FMNL2: variants seen among roughly 807,000 people sequenced by gnomAD.
FMNL2 encodes formin-like protein 2.
A neutral mutation model predicts 130.2 loss-of-function variants in FMNL2; 51 were observed. The observed-to-expected ratio is 0.39, with a 90% confidence interval of 0.31 to 0.49. The LOEUF (loss-of-function observed/expected upper bound fraction) is 0.49, where lower values mean the gene tolerates loss of function less well. FMNL2 is among the 20% of genes least tolerant of loss of function. The pLI, the probability that FMNL2 is intolerant of heterozygous loss-of-function variation, is 0.85. For synonymous variants in FMNL2, 465 were observed against 467.1 expected, an observed-to-expected ratio of 1.00 and a Z score of 0.06; for missense variants, 977 against 1,316.2, an observed-to-expected ratio of 0.74 and a Z score of 3.99.
intron 1 of FMNL2, among the ~76,000 whole-genome samples, chr2:152,384,254 C>T (rs960113809): frequency 6.6e-6 from 1 of 152,136 alleles, no homozygotes; most frequent in Non-Finnish European, 1.5e-5. Context: ...TTGGCTGACT[C>T]CAAAGTCCAT....
intron 1 of FMNL2, among the ~76,000 whole-genome samples, chr2:152,435,930 G>A (rs1204281302): frequency 1.3e-5 from 2 of 152,138 alleles, no homozygotes; most frequent in African/African-American, 4.8e-5. Context: ...CCTTGACCCA[G>A]CCTGGACTGC....
chr2:152,502,449 G>A (rs1691898129), intron 1 of FMNL2, among the ~76,000 whole-genome samples: 1 of 152,228 alleles, frequency 6.6e-6, no homozygotes, highest in African/African-American at 2.4e-5. Context: ...CACTTTGGGA[G>A]GCCAAGGTGG....
intron 1 of FMNL2, among the ~76,000 whole-genome samples, chr2:152,507,211 C>T (rs951473498): frequency 6.6e-6 from 1 of 152,186 alleles, no homozygotes; most frequent in African/African-American, 2.4e-5. Context: ...AACCACAGAT[C>T]TAGACATTTC....
rs529669686 is a variant in FMNL2, at chr2:152,574,292, G to A, written c.597-844G>A. 3.3e-5 allele frequency among the ~76,000 whole-genome samples: 5 copies of A among 152,058 alleles called. No individual in the cohort carries two copies. The South Asian group carries it at 8.3e-4, about 25-fold the overall frequency. On this transcript the variant is annotated intron_variant, in intron 6 of 25. Coordinates refer to ENST00000288670, the MANE Select transcript of FMNL2 (RefSeq NM_052905.4). The stretch of plus-strand genomic sequence containing the variant: ...CTCTACTAAAAATACAAAAATTAGC[G>A]GGGCATGGTGGTACACACCTGTAGT...
intron 1 of FMNL2, among the ~76,000 whole-genome samples, chr2:152,421,279 G>A (rs1019283401): frequency 1.3e-5 from 2 of 152,112 alleles, no homozygotes; most frequent in Admixed American, 6.5e-5. Flanking sequence ...TCCCAAAGCC[G>A]GTAATGTGAG....
chr2:152,465,677 G>A (rs1689493587), intron 1 of FMNL2, among the ~76,000 whole-genome samples: 1 of 152,208 alleles, frequency 6.6e-6, no homozygotes, highest in Non-Finnish European at 1.5e-5. Flanking sequence ...ATAAGTAGGG[G>A]AACAGAAGGC....
chr2:152,419,410 A>G (rs919560928), intron 1 of FMNL2, among the ~76,000 whole-genome samples: 2 of 152,188 alleles, frequency 1.3e-5, no homozygotes. Context: ...TTGCGACAAC[A>G]TGAGTGGAAT....
chr2:152,643,855 T>C lies in FMNL2; in HGVS notation c.3169+2941T>C, dbSNP rs537311215. ...GAATCAGTATTGGTACCAAGTAGAT[T>C]GCTTATAAGATTTTTGAGCTAATGT... On this transcript the variant is annotated intron_variant, in intron 25 of 25. Coordinates refer to ENST00000288670, the MANE Select transcript of FMNL2 (RefSeq NM_052905.4). 4 of 985,474 alleles carry C rather than the reference T, an allele frequency of 4.1e-6. No homozygotes were observed. The African/African-American group carries it at 7.0e-5, about 17-fold the overall frequency. 61.0% of individuals were successfully genotyped at this position (985,474 alleles called of 1,614,324 possible). A position where few individuals can be genotyped will look rare whatever the true frequency, so the allele number is the denominator to read the frequency against.
chr2:152,370,174 C>A (rs189678988), intron 1 of FMNL2, among the ~76,000 whole-genome samples: 16 of 152,226 alleles, frequency 1.1e-4, no homozygotes, highest in Admixed American at 1.0e-3. Flanking sequence ...ACTTTGATTT[C>A]TCACGGTTCT....
intron 25 of FMNL2, among the ~76,000 whole-genome samples, chr2:152,641,178 G>A (rs1683054691): frequency 6.6e-6 from 1 of 152,084 alleles, no homozygotes; most frequent in South Asian, 2.1e-4. Context: ...ATGTCATCAT[G>A]CTCCATTTTT....
At chr2:152,410,773 A>C (rs1044315816) in intron 1 of FMNL2, among the ~76,000 whole-genome samples, 1 of 152,180 alleles carries the variant, frequency 6.6e-6, no homozygotes, top group Non-Finnish European at 1.5e-5. Flanking sequence ...TAAAAAAGTG[A>C]ATCCTATCCC....
At position 152,647,354 on chromosome 2, in the gene FMNL2, T is replaced by TAAAGA. The variant is rs762832642; in HGVS notation, c.3170-442_3170-441insAAAGA. 3.8e-3 allele frequency among the ~76,000 whole-genome samples: 572 copies of TAAAGA among 152,360 alleles called. 6 individuals carry two copies. The highest frequency in any genetic ancestry group is 5.5e-3 in the Non-Finnish European group (376 of 68,022). The stretch of plus-strand genomic sequence containing the variant: ...ATCTGCAAACTGAAGGTCTTTAGGT[T>TAAAGA]CTTGTTAAAACTGCGAGGAAAAGAT... On this transcript the variant is annotated intron_variant, in intron 25 of 25. Coordinates refer to ENST00000288670, the MANE Select transcript of FMNL2 (RefSeq NM_052905.4).
At chr2:152,389,713 A>G (rs1285681971) in intron 1 of FMNL2, among the ~76,000 whole-genome samples, 1 of 152,196 alleles carries the variant, frequency 6.6e-6, no homozygotes. Flanking sequence ...GTTCGATGGC[A>G]TGTTGCTGGC....
At chr2:152,565,241 A>G (rs1174209959) in intron 6 of FMNL2, among the ~76,000 whole-genome samples, 2 of 152,226 alleles carry the variant, frequency 1.3e-5, no homozygotes, top group African/African-American at 4.8e-5. Flanking sequence ...GTTTTTAAAG[A>G]AAGAGGTGGA....
At chr2:152,411,557 T>C (rs552075483) in intron 1 of FMNL2, among the ~76,000 whole-genome samples, 2 of 152,316 alleles carry the variant, frequency 1.3e-5, no homozygotes, top group Admixed American at 1.3e-4. Context: ...TTAACCCACT[T>C]TGGGCTAACT....
chr2:152,533,546 C>CTTT (rs35382323), intron 2 of FMNL2, among the ~76,000 whole-genome samples: 2 of 115,324 alleles, frequency 1.7e-5, no homozygotes, highest in Non-Finnish European at 3.6e-5. Flanking sequence ...AATTCTCCAA[C>CTTT]TTTTTTTTTT....
intron 1 of FMNL2, among the ~76,000 whole-genome samples, chr2:152,514,716 A>G (rs1692665092): frequency 6.6e-6 from 1 of 152,168 alleles, no homozygotes; most frequent in Non-Finnish European, 1.5e-5. Context: ...AAATAGAACT[A>G]TTGTAACAAT....
chr2:152,559,496 G>A (rs1311744475), intron 5 of FMNL2, among the ~76,000 whole-genome samples: 1 of 152,140 alleles, frequency 6.6e-6, no homozygotes, highest in Non-Finnish European at 1.5e-5. Context: ...TAGAGACGGG[G>A]TTTCACCATG....
At chr2:152,645,668 CT>C (rs757952457) in intron 25 of FMNL2, 21 of 417,416 alleles carry the variant, frequency 5.0e-5, no homozygotes, top group Non-Finnish European at 6.8e-5. Context: ...GGGATTGAGC[CT>C]CTCTGTTGGA....
Sources: gnomAD v4.1 joint callset for allele counts (sites outside exome capture counted in the v4.1 genomes callset) on GRCh38, gnomAD v4.1.1 for gene constraint, MANE v1.5 for transcripts, NCBI Gene and HGNC (gene_info 2026-07-23, HGNC 2026-07-21) for gene names.